The following MED15 variants were observed in gnomAD, a reference collection of about 807,000 sequenced individuals.
The protein encoded by MED15 is mediator of RNA polymerase II transcription subunit 15.
Under a neutral mutation model 118.7 loss-of-function variants are expected in MED15, and 41 were observed. The ratio of observed to expected loss-of-function variants is 0.35; its 90% CI spans 0.27 to 0.45. MED15 has a LOEUF of 0.45. Ranked by LOEUF, MED15 falls within the 20% of genes least tolerant of loss-of-function variation. The pLI, the probability that MED15 is intolerant of heterozygous loss-of-function variation, is 1.00. For synonymous variants in MED15, 436 were observed against 413.9 expected, an observed-to-expected ratio of 1.05 and a Z score of -0.65; for missense variants, 740 against 1,025.5, an observed-to-expected ratio of 0.72 and a Z score of 3.80.
At chr22:20,568,653 G>A in intron 8 of MED15, 22 bp downstream of exon 8, 3 of 1,608,884 alleles carry the variant, frequency 1.9e-6, no homozygotes, top group Non-Finnish European at 2.5e-6. Flanking sequence ...GGGGTGGAGG[G>A]CTCCATAGTC....
chr22:20,510,557 C>T (rs8137729), intron 1 of MED15, among the ~76,000 whole-genome samples: 3,819 of 152,260 alleles, frequency 0.025, 165 homozygotes, highest in African/African-American at 0.086. Context: ...CTTGCAAGCC[C>T]ATTTATGCTG....
At chr22:20,553,258 C>A in intron 4 of MED15, 84 bp downstream of exon 4, 1 of 1,334,708 alleles carries the variant, frequency 7.5e-7, no homozygotes, top group Non-Finnish European at 1.1e-6. Context: ...GCCTCATGTG[C>A]CTGGGTTAAC....
intron 16 of MED15, 64 bp from the exon 17 acceptor site, chr22:20,585,664 A>T: frequency 6.8e-7 from 1 of 1,464,122 alleles, no homozygotes; most frequent in Non-Finnish European, 9.5e-7. Context: ...GTTCCAGAGC[A>T]GGGCTGTGAG....
At chr22:20,523,920 C>A in intron 1 of MED15, 1 of 854,282 alleles carries the variant, frequency 1.2e-6, no homozygotes, top group Non-Finnish European at 1.4e-6. Flanking sequence ...GGCAAGAAAG[C>A]GTCATCAAGC....
chr22:20,547,765 G>C (rs2055606506), intron 2 of MED15, among the ~76,000 whole-genome samples: 1 of 152,196 alleles, frequency 6.6e-6, no homozygotes, highest in Non-Finnish European at 1.5e-5. Context: ...GGAGCTTGCA[G>C]TGAACTGAGA....
chr22:20,517,688 T>C (rs768206611), intron 1 of MED15, among the ~76,000 whole-genome samples: 21 of 152,176 alleles, frequency 1.4e-4, no homozygotes, highest in Non-Finnish European at 2.6e-4. Context: ...GGGGGATTCC[T>C]AGATCTGTCC....
At position 20,555,139 on chromosome 22, in the gene MED15, A is replaced by G. The variant is rs376964139; in HGVS notation, c.442A>G (p.Thr148Ala). 64 of 1,599,764 alleles carry G rather than the reference A, an allele frequency of 4.0e-5. No individual in the cohort carries two copies. The highest frequency in any genetic ancestry group is 5.0e-5 in the Non-Finnish European group (59 of 1,174,108). Residue 148 changes from threonine to alanine, a missense_variant, in exon 5 of 18, where the codon ACT (threonine) becomes GCT (alanine). By Grantham distance (58) the Thr-to-Ala change is moderately conservative. Transcript: ENST00000263205. Reference protein sequence around the residue: ...PHSMAVVSTATPQTQLQLQQV... With the variant: ...PHSMAVVSTAAPQTQLQLQQV... ...CAGCATGGCTGTCGTGTCTACGGCA[A>G]CTCCACAGAGTGAGTACCACACTTC...
intron 2 of MED15, among the ~76,000 whole-genome samples, chr22:20,547,693 G>T (rs776774749): frequency 6.6e-6 from 1 of 152,124 alleles, no homozygotes; most frequent in Admixed American, 6.6e-5. Flanking sequence ...GGTGGCAGGC[G>T]CCTGTAGTGC....
chr22:20,576,112 G>GT (rs1465121592), intron 9 of MED15, among the ~76,000 whole-genome samples: 1 of 152,210 alleles, frequency 6.6e-6, no homozygotes, highest in African/African-American at 2.4e-5. Context: ...TTAACAAATA[G>GT]TTACCACATG....
At chr22:20,562,591 C>G (rs1021391538) in intron 5 of MED15, among the ~76,000 whole-genome samples, 2 of 152,032 alleles carry the variant, frequency 1.3e-5, no homozygotes, top group Admixed American at 1.3e-4. Context: ...GCCATGTTGG[C>G]CAAGCTGGTC....
At chr22:20,512,714 C>T (rs2054115093) in intron 1 of MED15, among the ~76,000 whole-genome samples, 1 of 150,738 alleles carries the variant, frequency 6.6e-6, no homozygotes, top group Non-Finnish European at 1.5e-5. Context: ...GCCTCAGCCT[C>T]CTGAGTAGCT....
intron 9 of MED15, among the ~76,000 whole-genome samples, chr22:20,577,577 T>C (rs1439622768): frequency 1.3e-5 from 2 of 151,662 alleles, no homozygotes; most frequent in Admixed American, 1.3e-4. Flanking sequence ...AGAGGAAGGA[T>C]AGAGAAATAT....
chr22:20,534,425 T>G (rs1174405278), intron 1 of MED15, among the ~76,000 whole-genome samples: 2 of 152,092 alleles, frequency 1.3e-5, no homozygotes, highest in Non-Finnish European at 2.9e-5. Flanking sequence ...TTTGGGAGGC[T>G]GAGGTGAGAG....
chr22:20,551,316 T>TTAGA (rs1341918994), intron 2 of MED15, 120 bp from the exon 3 acceptor site: 2 of 915,724 alleles, frequency 2.2e-6, no homozygotes, highest in African/African-American at 3.2e-5. Flanking sequence ...AGCAAGCGTC[T>TTAGA]GAATCTGCCT....
At chr22:20,541,292 C>G (rs1601526923) in intron 2 of MED15, among the ~76,000 whole-genome samples, 1 of 151,946 alleles carries the variant, frequency 6.6e-6, no homozygotes, top group South Asian at 2.1e-4. Flanking sequence ...AAAAAATAGG[C>G]AAAATACTTG....
chr22:20,521,289 G>C (rs1157698488), intron 1 of MED15, among the ~76,000 whole-genome samples: 4 of 151,122 alleles, frequency 2.6e-5, no homozygotes, highest in African/African-American at 4.9e-5. Flanking sequence ...TAGAGACTGG[G>C]TTTTGCCATG....
chr22:20,550,937 G>A, intron 2 of MED15: 1 of 353,588 alleles, frequency 2.8e-6, no homozygotes. Flanking sequence ...GCGCAGCCAG[G>A]GGAGGGCCGC....
At chr22:20,583,481 C>G in intron 13 of MED15, 88 bp downstream of exon 13, 2 of 1,502,074 alleles carry the variant, frequency 1.3e-6, no homozygotes. Flanking sequence ...GTGGGTTTAA[C>G]AAAGGCACCA....
rs186107367 is a variant in MED15 at position 20,587,352 on chromosome 22, C to T, written c.*648C>T. On this transcript the variant is annotated 3_prime_UTR_variant, in exon 18 of 18. Transcript: ENST00000263205. ...GCAGGGGCGTCAGGGATCCTGCTGC[C>T]GGCACCCCTGTGCCGCTGGCATGAG... 1.9e-3 allele frequency: 305 copies of T among 157,654 alleles called. 1 individual carries two copies. The highest frequency in any genetic ancestry group is 2.8e-3 in the East Asian group (15 of 5,332). 9.8% of individuals were successfully genotyped at this position (157,654 alleles called of 1,614,324 possible).
Sources: gnomAD v4.1 joint callset for allele counts (sites outside exome capture counted in the v4.1 genomes callset) on GRCh38, gnomAD v4.1.1 for gene constraint, MANE v1.5 for transcripts, NCBI Gene and HGNC (gene_info 2026-07-23, HGNC 2026-07-21) for gene names.